DMRT1: variants seen among roughly 807,000 people sequenced by gnomAD.
The protein encoded by DMRT1 is doublesex- and mab-3-related transcription factor 1.
Under a neutral mutation model 32.3 loss-of-function variants are expected in DMRT1, and 7 were observed. That is an observed-to-expected ratio of 0.22 (90% CI 0.12 to 0.41). The LOEUF (loss-of-function observed/expected upper bound fraction) is 0.41. DMRT1 is among the 10% of genes least tolerant of loss of function. DMRT1 has a pLI of 1.00. For synonymous variants in DMRT1, 278 were observed against 206.1 expected (o/e 1.35, Z -2.99); for missense variants, 625 against 500.5 (o/e 1.25, Z -2.37).
At chr9:869,792 T>A (rs1179435209) in intron 2 of DMRT1, among the ~76,000 whole-genome samples, 4 of 152,192 alleles carry the variant, frequency 2.6e-5, no homozygotes, top group Non-Finnish European at 5.9e-5. Flanking sequence ...TGTCGCACAG[T>A]TAATAGTCTT....
At chr9:948,557 C>G (rs982850155) in intron 4 of DMRT1, among the ~76,000 whole-genome samples, 2 of 152,164 alleles carry the variant, frequency 1.3e-5, no homozygotes, top group East Asian at 3.9e-4. Flanking sequence ...CCGGGACAGA[C>G]CATCCTTCCC....
chr9:843,434 A>C (rs1210937469), intron 1 of DMRT1, among the ~76,000 whole-genome samples: 1 of 152,248 alleles, frequency 6.6e-6, no homozygotes, highest in Non-Finnish European at 1.5e-5. Context: ...CCGAAGATTA[A>C]AGTGCAAATT....
chr9:876,623 T>G (rs959043305), intron 2 of DMRT1, among the ~76,000 whole-genome samples: 1 of 151,800 alleles, frequency 6.6e-6, no homozygotes, highest in Non-Finnish European at 1.5e-5. Flanking sequence ...CCCCACCTCC[T>G]GAGCTCAAGT....
chr9:882,481 C>T (rs1240558539), intron 2 of DMRT1, among the ~76,000 whole-genome samples: 1 of 152,144 alleles, frequency 6.6e-6, no homozygotes, highest in Non-Finnish European at 1.5e-5. Flanking sequence ...AAACCTTTTC[C>T]AGTCCTTTAC....
At position 882,779 on chromosome 9, in the gene DMRT1, T is replaced by G. The variant is rs1184964195; in HGVS notation, c.539-11133T>G. Reference sequence around the variant, plus strand: ...CTGAATCTTTTTTTTTTTTTTTTTTTGTCTGTCTGAGACAGTCTCACTCAC... The same window carrying G: ...CTGAATCTTTTTTTTTTTTTTTTTTGGTCTGTCTGAGACAGTCTCACTCAC... On this transcript the variant is annotated intron_variant, in intron 2 of 4. Coordinates refer to ENST00000382276, the MANE Select transcript of DMRT1 (RefSeq NM_021951.3). Among the ~76,000 whole-genome samples, 35 of 147,730 alleles carry G rather than the reference T, an allele frequency of 2.4e-4. No homozygotes were observed. The East Asian group carries it at 4.1e-3, about 17-fold the overall frequency.
chr9:910,700 A>G (rs16925796), intron 3 of DMRT1, among the ~76,000 whole-genome samples: 10,518 of 152,112 alleles, frequency 0.069, 734 homozygotes, highest in East Asian at 0.17. Context: ...TTGCCTGCAA[A>G]GTTAATACTA....
chr9:852,857 G>C (rs920863889), intron 2 of DMRT1, among the ~76,000 whole-genome samples: 4 of 152,160 alleles, frequency 2.6e-5, no homozygotes, highest in African/African-American at 7.2e-5. Flanking sequence ...AATATTGAAG[G>C]GGCCTTTCCT....
At chr9:905,598 A>G (rs1477097315) in intron 3 of DMRT1, among the ~76,000 whole-genome samples, 1 of 151,762 alleles carries the variant, frequency 6.6e-6, no homozygotes, top group Admixed American at 6.6e-5. Flanking sequence ...TGTTTGAGTC[A>G]TTTGTTTGCA....
At chr9:915,751 T>TTTTTTTTTTTTTTTTTTTTTTTTG (rs1564248221) in intron 3 of DMRT1, among the ~76,000 whole-genome samples, 2 of 150,006 alleles carry the variant, frequency 1.3e-5, no homozygotes, top group African/African-American at 2.5e-5. Context: ...ATATATTTTT[T>TTTTTTTTTTTTTTTTTTTTTTTTG]AGACAGAGTC....
At chr9:858,325 T>G (rs911746506) in intron 2 of DMRT1, among the ~76,000 whole-genome samples, 1 of 152,074 alleles carries the variant, frequency 6.6e-6, no homozygotes, top group African/African-American at 2.4e-5. Flanking sequence ...CTTGCTGCCA[T>G]AGGGAACTTT....
intron 2 of DMRT1, among the ~76,000 whole-genome samples, chr9:880,275 A>G (rs1816678490): frequency 6.6e-6 from 1 of 152,234 alleles, no homozygotes; most frequent in African/African-American, 2.4e-5. Context: ...TGAGTCACAC[A>G]GTTTTTAAAA....
At chr9:843,872 A>C (rs903103619) in intron 1 of DMRT1, among the ~76,000 whole-genome samples, 2 of 152,234 alleles carry the variant, frequency 1.3e-5, no homozygotes, top group Non-Finnish European at 2.9e-5. Flanking sequence ...GAGTGCAGTC[A>C]TGAAAATAGA....
intron 4 of DMRT1, among the ~76,000 whole-genome samples, chr9:932,777 T>G (rs1054402099): frequency 6.6e-6 from 1 of 152,124 alleles, no homozygotes; most frequent in Non-Finnish European, 1.5e-5. Context: ...AGTAAATCTC[T>G]ATAATGACTC....
intron 4 of DMRT1, among the ~76,000 whole-genome samples, chr9:918,755 A>G (rs1818263627): frequency 6.6e-6 from 1 of 152,226 alleles, no homozygotes; most frequent in Non-Finnish European, 1.5e-5. Flanking sequence ...CTACTTTGGA[A>G]TTATCTTCGA....
chr9:900,957 G>A (rs895864215), intron 3 of DMRT1, among the ~76,000 whole-genome samples: 5 of 152,034 alleles, frequency 3.3e-5, no homozygotes, highest in Admixed American at 6.5e-5. Context: ...CTCTAGAAGC[G>A]CTGGGATTAC....
chr9:951,250 G>A (rs1003037597), intron 4 of DMRT1, among the ~76,000 whole-genome samples: 1 of 152,042 alleles, frequency 6.6e-6, no homozygotes, highest in African/African-American at 2.4e-5. Context: ...TGGCTGTAAG[G>A]ACTACATTCA....
intron 2 of DMRT1, among the ~76,000 whole-genome samples, chr9:861,829 G>A (rs141083690): frequency 0.15 from 22,546 of 145,708 alleles, 2,248 homozygotes; most frequent in East Asian, 0.38. Context: ...TTCAGACGGG[G>A]CGGCCGGTCA....
intron 2 of DMRT1, among the ~76,000 whole-genome samples, chr9:847,581 G>T (rs1237020267): frequency 6.6e-6 from 1 of 152,222 alleles, no homozygotes; most frequent in Non-Finnish European, 1.5e-5. Context: ...AGTAACACCG[G>T]AAGGAAGGCC....
chr9:865,222 C>A (rs985766401), intron 2 of DMRT1, among the ~76,000 whole-genome samples: 1 of 152,146 alleles, frequency 6.6e-6, no homozygotes, highest in Non-Finnish European at 1.5e-5. Flanking sequence ...TTGTTGTTAT[C>A]TTGATAACTT....
Sources: allele counts gnomAD v4.1 joint callset (sites outside exome capture counted in the v4.1 genomes callset), GRCh38; gene constraint gnomAD v4.1.1; transcripts MANE v1.5; gene names NCBI Gene and HGNC (gene_info 2026-07-23, HGNC 2026-07-21).